Variants in VPS13B observed in about 807,000 individuals in gnomAD.
VPS13B encodes the protein intermembrane lipid transfer protein VPS13B.
A neutral mutation model predicts 426.4 loss-of-function variants in VPS13B; 285 were observed. That is an observed-to-expected ratio of 0.67 (90% CI 0.61 to 0.74). VPS13B has a LOEUF of 0.74. Among genes scored for constraint, VPS13B ranks in the 30% least tolerant of loss-of-function variants. VPS13B has a pLI of 0.00. For synonymous variants in VPS13B, 1,676 were observed against 1,676.4 expected (o/e 1.00, Z 0.01); for missense variants, 4,537 against 4,782.6 (o/e 0.95, Z 1.51).
chr8:99,801,550 G>A (rs1419267447), intron 43 of VPS13B, among the ~76,000 whole-genome samples: 2 of 152,020 alleles, frequency 1.3e-5, no homozygotes, highest in African/African-American at 2.4e-5. Context: ...TTTGTTTATC[G>A]GAAGTAACAT....
chr8:99,503,020 C>A lies in VPS13B; in HGVS notation c.4157+70C>A, dbSNP rs1331281072. The A allele has an allele frequency of 5.8e-6, 7 of 1,204,152 alleles. No homozygotes were observed. The South Asian group carries it at 8.7e-5, about 15-fold the overall frequency. 74.6% of individuals were successfully genotyped at this position (1,204,152 alleles called of 1,614,324 possible). Reference sequence around the variant, plus strand: ...GAACAAAGTTACCATAAGACTTTTTCTATTTTAATTTGGCTGGTTATTAAA... The same window carrying A: ...GAACAAAGTTACCATAAGACTTTTTATATTTTAATTTGGCTGGTTATTAAA... On this transcript the variant is annotated intron_variant, in intron 27 of 61. Coordinates refer to ENST00000357162, the MANE Select transcript of VPS13B (RefSeq NM_152564.5).
chr8:99,214,351 A>T (rs961311747), intron 17 of VPS13B, among the ~76,000 whole-genome samples: 2 of 152,210 alleles, frequency 1.3e-5, no homozygotes, highest in African/African-American at 4.8e-5. Flanking sequence ...CCACTGCATA[A>T]AGTATAGCTT....
intron 19 of VPS13B, among the ~76,000 whole-genome samples, chr8:99,297,750 C>T (rs1820124342): frequency 6.6e-6 from 1 of 152,194 alleles, no homozygotes; most frequent in Non-Finnish European, 1.5e-5. Flanking sequence ...GAATTGTACA[C>T]GTATGATTTT....
chr8:99,213,958 C>T lies in VPS13B; in HGVS notation c.2515+20901C>T, dbSNP rs138067951. On this transcript the variant is annotated intron_variant, in intron 17 of 61. Transcript: ENST00000357162. ...TAATTCCAACTCTCTGGATGTGGTA[C>T]TCCCCCATAAGTATTACCAGACCAA... Among the ~76,000 whole-genome samples the T allele has an allele frequency of 1.9e-4, 29 of 152,126 alleles. 1 individual carries two copies. The East Asian group carries it at 4.3e-3, about 22-fold the overall frequency.
At chr8:99,566,316 T>A (rs1405520534) in intron 31 of VPS13B, among the ~76,000 whole-genome samples, 2 of 152,234 alleles carry the variant, frequency 1.3e-5, no homozygotes, top group African/African-American at 2.4e-5. Flanking sequence ...TTTAAAATCT[T>A]CTGTATTTTC....
intron 17 of VPS13B, among the ~76,000 whole-genome samples, chr8:99,265,160 C>T (rs1020341944): frequency 1.3e-4 from 20 of 151,856 alleles, no homozygotes; most frequent in African/African-American, 4.8e-4. Flanking sequence ...GTCTGTTTAC[C>T]CCATGTTCCT....
At chr8:99,355,673 A>G (rs1812145222) in intron 19 of VPS13B, among the ~76,000 whole-genome samples, 1 of 152,030 alleles carries the variant, frequency 6.6e-6, no homozygotes, top group Non-Finnish European at 1.5e-5. Context: ...CATACCAAGT[A>G]TGTTCCTATT....
chr8:99,705,156 C>G (rs1156549236), intron 36 of VPS13B, among the ~76,000 whole-genome samples: 1 of 152,000 alleles, frequency 6.6e-6, no homozygotes, highest in Non-Finnish European at 1.5e-5. Context: ...TTTTTTCACC[C>G]TTAGATTACC....
Position 99,299,477 on chromosome 8 carries a change from A to G in VPS13B, c.2824+24223A>G, listed in dbSNP as rs188036746. ...AGTATGTAGTGCAGTTTTTTGGCAA[A>G]TATTTCTTGTGTTACTACTGATATC... On this transcript the variant is annotated intron_variant, in intron 19 of 61. Transcript: ENST00000357162. Among the ~76,000 whole-genome samples the G allele has an allele frequency of 5.9e-5, 9 of 152,288 alleles. 1 individual carries two copies. The highest frequency in any genetic ancestry group is 2.2e-4 in the African/African-American group (9 of 41,570).
chr8:99,540,063 A>AT lies in VPS13B; in HGVS notation c.4746-16353dup, dbSNP rs1172789372. On this transcript the variant is annotated intron_variant, in intron 30 of 61. Coordinates refer to ENST00000357162, the MANE Select transcript of VPS13B (RefSeq NM_152564.5). ...TATATATATATATATATATATATAT[A>AT]TTTTTTTTTTTTTTTTTTTTTTTTT... Among the ~76,000 whole-genome samples, 3 of 8,812 alleles carry AT rather than the reference A, an allele frequency of 3.4e-4. 1 individual carries two copies. Among genetic ancestry groups the AT allele is most frequent in the Non-Finnish European group, 3.9e-4 (2 of 5,132 alleles). 5.8% of individuals were successfully genotyped at this position (8,812 alleles called of 152,430 possible).
intron 17 of VPS13B, among the ~76,000 whole-genome samples, chr8:99,198,159 T>G (rs1814057365): frequency 6.6e-6 from 1 of 152,182 alleles, no homozygotes; most frequent in East Asian, 1.9e-4. Flanking sequence ...GATTTACTAT[T>G]CAAAATCTTA....
At chr8:99,176,621 TAA>T (rs909763645) in intron 16 of VPS13B, among the ~76,000 whole-genome samples, 1 of 152,172 alleles carries the variant, frequency 6.6e-6, no homozygotes, top group African/African-American at 2.4e-5. Flanking sequence ...AGGACTATTG[TAA>T]AAAAATAAAA....
At chr8:99,587,452 G>A (rs1399981083) in intron 33 of VPS13B, among the ~76,000 whole-genome samples, 1 of 151,630 alleles carries the variant, frequency 6.6e-6, no homozygotes, top group Non-Finnish European at 1.5e-5. Context: ...GTGTAAAAGT[G>A]TTCCTATTTC....
chr8:99,251,256 A>G (rs931025860), intron 17 of VPS13B, among the ~76,000 whole-genome samples: 6 of 152,186 alleles, frequency 3.9e-5, no homozygotes, highest in African/African-American at 1.4e-4. Flanking sequence ...GTCATAATGG[A>G]AAACATTCAG....
rs957500741 is a variant in VPS13B at position 99,761,501 on chromosome 8, G to A, written c.7051-5273G>A. On this transcript the variant is annotated intron_variant, in intron 39 of 61. Transcript: ENST00000357162. ...ATATTATGTACCTACTCCAACCCTC[G>A]CCTTGTACTTAAAAACTTAGTGGTG... 4.6e-5 allele frequency among the ~76,000 whole-genome samples: 7 copies of A among 151,984 alleles called. No homozygotes were observed. In the East Asian group the frequency reaches 7.7e-4, roughly 17 times the overall value.
intron 19 of VPS13B, among the ~76,000 whole-genome samples, chr8:99,365,984 A>T (rs1294945293): frequency 2.0e-5 from 3 of 148,420 alleles, no homozygotes; most frequent in Admixed American, 6.7e-5. Flanking sequence ...TTTTTTTTTT[A>T]ATGTTTTAAG....
At chr8:99,349,332 C>CAAAAAAAAAAAAAAAA (rs35441676) in intron 19 of VPS13B, among the ~76,000 whole-genome samples, 1 of 47,742 alleles carries the variant, frequency 2.1e-5, no homozygotes, top group African/African-American at 1.0e-4. Context: ...GACTCCGTCT[C>CAAAAAAAAAAAAAAAA]AAAAAAAAAA....
intron 16 of VPS13B, among the ~76,000 whole-genome samples, chr8:99,171,103 G>A (rs367851065): frequency 7.3e-5 from 11 of 151,686 alleles, no homozygotes; most frequent in East Asian, 1.9e-4. Flanking sequence ...TTTAAAAGTC[G>A]TAGTTAAGTC....
At position 99,115,750 on chromosome 8, in the gene VPS13B, G is replaced by C. The variant is rs1563548958; in HGVS notation, c.813G>C (p.Leu271=). The change falls in exon 7 of 62, where the codon CTG becomes CTC. Residue 271 remains leucine (L), a synonymous_variant. Coordinates refer to ENST00000357162, the MANE Select transcript of VPS13B (RefSeq NM_152564.5). ...AACTTTCTATCACAGATCAACAACTGCCTATGTTTATTCGTATAATGCAAC... is the reference window on the plus strand; with the variant it reads ...AACTTTCTATCACAGATCAACAACTCCCTATGTTTATTCGTATAATGCAAC... The part of the protein sequence containing the change: ...SLKLSITDQQ[L]PMFIRIMQLG... 6.2e-7 allele frequency: 1 copy of C among 1,613,184 alleles called. No individual in the cohort carries two copies. Among genetic ancestry groups the C allele is most frequent in the African/African-American group, 1.3e-5 (1 of 74,896 alleles).
Sources: gnomAD v4.1 joint callset for allele counts (sites outside exome capture counted in the v4.1 genomes callset) on GRCh38, gnomAD v4.1.1 for gene constraint, MANE v1.5 for transcripts, NCBI Gene and HGNC (gene_info 2026-07-23, HGNC 2026-07-21) for gene names.